FSTL5: variants seen among roughly 807,000 people sequenced by gnomAD.
FSTL5 encodes follistatin like 5.
In FSTL5, 62 loss-of-function variants were observed where a neutral mutation model predicts 89.1. The observed-to-expected ratio is 0.70, with a 90% CI of 0.57 to 0.86. The LOEUF is 0.86. Ranked by LOEUF, FSTL5 falls within the 40% of genes least tolerant of loss-of-function variation. The pLI, the probability that FSTL5 is intolerant of heterozygous loss-of-function variation, is 0.00. For synonymous variants in FSTL5, 383 were observed against 346.2 expected, an observed-to-expected ratio of 1.11 and a Z score of -1.18; for missense variants, 1,057 against 1,001.6, an observed-to-expected ratio of 1.06 and a Z score of -0.75.
chr4:162,096,732 C>CCAA (rs1191876414), intron 2 of FSTL5, among the ~76,000 whole-genome samples: 4 of 151,866 alleles, frequency 2.6e-5, no homozygotes, highest in Non-Finnish European at 5.9e-5. Flanking sequence ...TAAGTATGAA[C>CCAA]AAGTTTACTA....
At chr4:161,781,301 AT>A (rs1741657486) in intron 4 of FSTL5, among the ~76,000 whole-genome samples, 1 of 151,506 alleles carries the variant, frequency 6.6e-6, no homozygotes, top group Non-Finnish European at 1.5e-5. Flanking sequence ...AACCAAAATT[AT>A]CTTGGTTAAA....
chr4:161,720,788 C>T (rs1271386189), intron 6 of FSTL5, among the ~76,000 whole-genome samples: 1 of 152,096 alleles, frequency 6.6e-6, no homozygotes, highest in Non-Finnish European at 1.5e-5. Flanking sequence ...CTACATAATT[C>T]CACTTATAAG....
rs1343519672 is a variant in FSTL5 at position 161,793,610 on chromosome 4, G to T, written c.410-17536C>A. Among the ~76,000 whole-genome samples, 5 of 29,970 alleles carry T rather than the reference G, an allele frequency of 1.7e-4. No individual in the cohort carries two copies. The East Asian group carries it at 5.9e-3, about 36-fold the overall frequency. 19.7% of individuals were successfully genotyped at this position (29,970 alleles called of 152,430 possible). A position where few individuals can be genotyped will look rare whatever the true frequency, so the allele number is the denominator to read the frequency against. ...AGGTTGCTTTTGGGGAAACCATGTTGTCATTTTTTTTTTTCTGAGATGGAG... is the reference window on the plus strand; with the variant it reads ...AGGTTGCTTTTGGGGAAACCATGTTTTCATTTTTTTTTTTCTGAGATGGAG... On this transcript the variant is annotated intron_variant, in intron 4 of 15. Transcript: ENST00000306100.
intron 3 of FSTL5, among the ~76,000 whole-genome samples, chr4:161,984,633 C>T (rs1735912389): frequency 6.6e-6 from 1 of 152,068 alleles, no homozygotes; most frequent in Admixed American, 6.6e-5. Context: ...AGCAGTCTTT[C>T]CCCCTTAGCC....
intron 4 of FSTL5, among the ~76,000 whole-genome samples, chr4:161,853,247 G>A (rs1306452997): frequency 2.0e-5 from 3 of 152,054 alleles, no homozygotes; most frequent in Admixed American, 6.6e-5. Context: ...ATTAATAAAT[G>A]TTAAGTGACT....
chr4:161,923,345 T>A (rs1579196594), intron 3 of FSTL5, among the ~76,000 whole-genome samples: 1 of 151,846 alleles, frequency 6.6e-6, no homozygotes, highest in South Asian at 2.1e-4. Context: ...ATTATATCAA[T>A]TATTACTATA....
intron 6 of FSTL5, among the ~76,000 whole-genome samples, chr4:161,665,164 G>T (rs138403391): frequency 6.6e-6 from 1 of 152,120 alleles, no homozygotes; most frequent in Non-Finnish European, 1.5e-5. Context: ...GCACATATAC[G>T]CCTGAACCTA....
intron 3 of FSTL5, among the ~76,000 whole-genome samples, chr4:161,986,920 T>G (rs1019299715): frequency 1.3e-5 from 2 of 152,178 alleles, no homozygotes; most frequent in Non-Finnish European, 2.9e-5. Flanking sequence ...TCACAAACCT[T>G]GAAAACTAAA....
intron 15 of FSTL5, among the ~76,000 whole-genome samples, chr4:161,441,002 T>C (rs1732743082): frequency 6.6e-6 from 1 of 152,160 alleles, no homozygotes; most frequent in Non-Finnish European, 1.5e-5. Flanking sequence ...AAGTTTATTA[T>C]TTGATTACTG....
intron 9 of FSTL5, among the ~76,000 whole-genome samples, chr4:161,541,807 A>G (rs1578911346): frequency 6.6e-6 from 1 of 151,894 alleles, no homozygotes; most frequent in Admixed American, 6.6e-5. Context: ...GTTGTGTGTT[A>G]CCCCTAACAA....
At chr4:162,126,777 T>G (rs1227361856) in intron 1 of FSTL5, among the ~76,000 whole-genome samples, 17 of 152,240 alleles carry the variant, frequency 1.1e-4, no homozygotes, top group Admixed American at 1.1e-3. Flanking sequence ...TTACAAAATT[T>G]TATTTCCTCT....
chr4:161,855,449 AAAT>A (rs1731691962), intron 4 of FSTL5, among the ~76,000 whole-genome samples: 1 of 152,140 alleles, frequency 6.6e-6, no homozygotes, highest in Admixed American at 6.5e-5. Context: ...TCAGAATACT[AAAT>A]AATAATTTGT....
rs1033477740 is a variant in FSTL5 at position 161,398,089 on chromosome 4, G to A, written c.1842-11640C>T. 2.0e-5 allele frequency among the ~76,000 whole-genome samples: 3 copies of A among 152,064 alleles called. 1 individual carries two copies. The highest frequency in any genetic ancestry group is 4.1e-4 in the South Asian group (2 of 4,826). The stretch of plus-strand genomic sequence containing the variant: ...AATTGTTTTAGGTTTTCTGGATAAC[G>A]ATTTGGCATTATTCTGTAAAAGTTA... On this transcript the variant is annotated intron_variant, in intron 15 of 15. Transcript: ENST00000306100.
chr4:161,622,522 A>C (rs545586696), intron 7 of FSTL5, among the ~76,000 whole-genome samples: 2 of 152,038 alleles, frequency 1.3e-5, no homozygotes, highest in South Asian at 4.1e-4. Flanking sequence ...AAAATATGTA[A>C]GTAAATAAAT....
At chr4:161,573,173 G>C (rs890686025) in intron 8 of FSTL5, among the ~76,000 whole-genome samples, 1 of 152,128 alleles carries the variant, frequency 6.6e-6, no homozygotes, top group African/African-American at 2.4e-5. Flanking sequence ...ATTTTGGGAA[G>C]CTGAGTCAAG....
intron 3 of FSTL5, among the ~76,000 whole-genome samples, chr4:162,016,480 T>C (rs1420218071): frequency 6.6e-6 from 1 of 152,192 alleles, no homozygotes. Context: ...GGCTCTGACA[T>C]TCCCTAGGGC....
intron 4 of FSTL5, among the ~76,000 whole-genome samples, chr4:161,913,691 C>T (rs1240051989): frequency 6.6e-6 from 1 of 152,102 alleles, no homozygotes; most frequent in South Asian, 2.1e-4. Context: ...TGGGAACCAG[C>T]GTGACCTGGA....
intron 1 of FSTL5, among the ~76,000 whole-genome samples, chr4:162,160,889 C>T (rs1008538208): frequency 2.6e-5 from 4 of 151,246 alleles, no homozygotes; most frequent in Non-Finnish European, 5.9e-5. Flanking sequence ...CAAATTGATT[C>T]ACCCTTATCT....
At chr4:161,978,753 T>C (rs1214704815) in intron 3 of FSTL5, among the ~76,000 whole-genome samples, 3 of 152,126 alleles carry the variant, frequency 2.0e-5, no homozygotes, top group Non-Finnish European at 4.4e-5. Context: ...AAGCCACTTG[T>C]CTTCTAGAAT....
Sources: allele counts gnomAD v4.1 joint callset (sites outside exome capture counted in the v4.1 genomes callset), GRCh38; gene constraint gnomAD v4.1.1; transcripts MANE v1.5; gene names NCBI Gene and HGNC (gene_info 2026-07-23, HGNC 2026-07-21).